Variants in VTI1A observed in about 807,000 individuals in gnomAD.
VTI1A encodes the protein vesicle transport through interaction with t-SNAREs 1A.
In VTI1A, 22 loss-of-function variants were observed where a neutral mutation model predicts 34.9. The observed-to-expected ratio is 0.63, with a 90% CI of 0.45 to 0.90. The LOEUF is 0.90. Ranked by LOEUF, VTI1A falls within the 40% of genes least tolerant of loss-of-function variation. The pLI, the probability that VTI1A is intolerant of heterozygous loss-of-function variation, is 0.00. For synonymous variants in VTI1A, 87 were observed against 97.3 expected, an observed-to-expected ratio of 0.89 and a Z score of 0.62; for missense variants, 268 against 275.6, an observed-to-expected ratio of 0.97 and a Z score of 0.20.
At chr10:112,747,325 G>A (rs1406093200) in intron 7 of VTI1A, among the ~76,000 whole-genome samples, 4 of 152,162 alleles carry the variant, frequency 2.6e-5, no homozygotes, top group Admixed American at 2.0e-4. Flanking sequence ...AGAGTTCATC[G>A]TTGTGCGAAC....
At chr10:112,743,758 A>G (rs558663598) in intron 7 of VTI1A, among the ~76,000 whole-genome samples, 1 of 152,356 alleles carries the variant, frequency 6.6e-6, no homozygotes, top group Non-Finnish European at 1.5e-5. Context: ...GCCTCTCCAG[A>G]GAGAACACTC....
intron 5 of VTI1A, among the ~76,000 whole-genome samples, chr10:112,656,158 C>T (rs981132582): frequency 7.2e-5 from 11 of 152,074 alleles, no homozygotes; most frequent in Admixed American, 3.9e-4. Context: ...TGTGCCAACC[C>T]GAGTTGACTG....
the VTI1A span, among the ~76,000 whole-genome samples, chr10:112,835,155 C>T: frequency 6.6e-6 from 1 of 152,100 alleles, no homozygotes; most frequent in Non-Finnish European, 1.5e-5. Context: ...CAAAAGAGAC[C>T]TCCCAAAGCC....
intron 3 of VTI1A, among the ~76,000 whole-genome samples, chr10:112,521,446 G>C (rs994692048): frequency 2.0e-5 from 3 of 152,010 alleles, no homozygotes; most frequent in African/African-American, 7.2e-5. Context: ...ATCCTTTCCA[G>C]TATTATCAAC....
At chr10:112,798,693 C>T (rs731863) in intron 7 of VTI1A, among the ~76,000 whole-genome samples, 281 of 152,298 alleles carry the variant, frequency 1.8e-3, no homozygotes, top group Non-Finnish European at 3.3e-3. Flanking sequence ...CTCAAGGGTG[C>T]TGGGTTCTCA....
At chr10:112,574,993 C>A (rs557921345) in intron 5 of VTI1A, among the ~76,000 whole-genome samples, 3 of 152,242 alleles carry the variant, frequency 2.0e-5, no homozygotes, top group African/African-American at 7.2e-5. Flanking sequence ...TAAAATAAGG[C>A]CCTGATGTGT....
chr10:112,537,311 G>GTATGTATATATATATATA (rs1554898568), intron 4 of VTI1A, among the ~76,000 whole-genome samples: 1 of 65,222 alleles, frequency 1.5e-5, no homozygotes, highest in South Asian at 4.8e-4. Context: ...AAGTATCTAG[G>GTATGTATATATATATATA]TATATATATA....
intron 7 of VTI1A, among the ~76,000 whole-genome samples, chr10:112,735,927 T>C (rs1180035228): frequency 1.3e-5 from 2 of 151,754 alleles, no homozygotes; most frequent in Non-Finnish European, 2.9e-5. Context: ...ACAACGAATT[T>C]AATTTGGCAT....
chr10:112,736,455 C>T (rs1443579915), intron 7 of VTI1A, among the ~76,000 whole-genome samples: 2 of 152,160 alleles, frequency 1.3e-5, no homozygotes, highest in South Asian at 2.1e-4. Flanking sequence ...ATTGGATGGG[C>T]AGACGGATAG....
intron 5 of VTI1A, among the ~76,000 whole-genome samples, chr10:112,564,731 G>A (rs1851850593): frequency 6.6e-6 from 1 of 152,090 alleles, no homozygotes; most frequent in Non-Finnish European, 1.5e-5. Context: ...TTCCCTGTAT[G>A]ATGGCTCCTG....
intron 7 of VTI1A, among the ~76,000 whole-genome samples, chr10:112,688,026 T>C (rs1848483331): frequency 6.6e-6 from 1 of 150,628 alleles, no homozygotes; most frequent in East Asian, 2.0e-4. Context: ...CGATCTCAGC[T>C]TACTGCAACC....
chr10:112,495,569 AAT>A (rs1848989972), intron 3 of VTI1A, among the ~76,000 whole-genome samples: 1 of 152,170 alleles, frequency 6.6e-6, no homozygotes, highest in Admixed American at 6.5e-5. Context: ...ACGTGTTTTA[AAT>A]TTGAGATACT....
intron 7 of VTI1A, among the ~76,000 whole-genome samples, chr10:112,698,978 G>T (rs1848893640): frequency 6.6e-6 from 1 of 152,184 alleles, no homozygotes; most frequent in Non-Finnish European, 1.5e-5. Flanking sequence ...ACACCCCTGA[G>T]TAGTGGCCTG....
chr10:112,537,471 T>C (rs1399228010), intron 4 of VTI1A, among the ~76,000 whole-genome samples: 1 of 151,100 alleles, frequency 6.6e-6, no homozygotes, highest in African/African-American at 2.4e-5. Flanking sequence ...GGAAAGAAAG[T>C]TTAGAAGCTG....
At chr10:112,665,338 A>G (rs896494222) in intron 5 of VTI1A, among the ~76,000 whole-genome samples, 2 of 151,550 alleles carry the variant, frequency 1.3e-5, no homozygotes, top group Admixed American at 1.3e-4. Context: ...GTTTATTCAC[A>G]TGAATTTTTT....
intron 7 of VTI1A, among the ~76,000 whole-genome samples, chr10:112,676,010 G>T (rs1848013110): frequency 6.6e-6 from 1 of 152,096 alleles, no homozygotes; most frequent in Admixed American, 6.5e-5. Context: ...ATAATAAAGT[G>T]CCAGGAAACA....
intron 3 of VTI1A, among the ~76,000 whole-genome samples, chr10:112,520,854 A>C (rs921816843): frequency 2.0e-5 from 3 of 152,038 alleles, no homozygotes; most frequent in Non-Finnish European, 4.4e-5. Flanking sequence ...GAGTGATTAC[A>C]ATAAAAAGAC....
intron 5 of VTI1A, among the ~76,000 whole-genome samples, chr10:112,558,465 T>C (rs576521069): frequency 1.3e-5 from 2 of 152,236 alleles, no homozygotes; most frequent in Non-Finnish European, 2.9e-5. Context: ...ATAGACTTAC[T>C]GTGTAGCCAT....
chr10:112,779,783 C>G (rs1564922281), intron 7 of VTI1A, among the ~76,000 whole-genome samples: 1 of 151,980 alleles, frequency 6.6e-6, no homozygotes, highest in Non-Finnish European at 1.5e-5. Context: ...AAGGATTACT[C>G]CCATAAACAG....
Sources: gnomAD v4.1 joint callset for allele counts (sites outside exome capture counted in the v4.1 genomes callset) on GRCh38, gnomAD v4.1.1 for gene constraint, MANE v1.5 for transcripts, NCBI Gene and HGNC (gene_info 2026-07-23, HGNC 2026-07-21) for gene names.